Variants in HDAC4 observed in about 807,000 individuals in gnomAD.
HDAC4 encodes histone deacetylase 4, also known as histone deacetylase A.
A neutral mutation model predicts 135.1 loss-of-function variants in HDAC4; 16 were observed. The observed-to-expected ratio is 0.12, with a 90% CI of 0.08 to 0.18. The LOEUF (loss-of-function observed/expected upper bound fraction) is 0.18. HDAC4 is among the 10% of genes least tolerant of loss of function. The probability of loss-of-function intolerance (pLI) is 1.00; values close to 1 mark genes in which losing one functional copy is unlikely to be tolerated. For missense variants in HDAC4, 1,143 were observed against 1,511.8 expected (o/e 0.76, Z 4.05); for synonymous variants, 685 against 653.4 (o/e 1.05, Z -0.74).
rs972317950 is a variant in HDAC4 at position 239,309,691 on chromosome 2, G to A, written c.22+42987C>T. Reference sequence around the variant, plus strand: ...GGGCCTCCACCGCAGGCAGAGCTCCGCCAGCAAGTATCCTGGGAGCTGGGG... The same window carrying A: ...GGGCCTCCACCGCAGGCAGAGCTCCACCAGCAAGTATCCTGGGAGCTGGGG... On this transcript the variant is annotated intron_variant, in intron 2 of 26. Coordinates refer to ENST00000543185, the MANE Select transcript of HDAC4 (RefSeq NM_001378414.1). This position sits in a 1 kb window ranked among gnomAD's most constrained non-coding sequence, Gnocchi z 4.2. 1.3e-5 allele frequency among the ~76,000 whole-genome samples: 2 copies of A among 152,206 alleles called. No homozygotes were observed. Among genetic ancestry groups the A allele is most frequent in the Admixed American group, 1.3e-4 (2 of 15,288 alleles).
intron 13 of HDAC4, among the ~76,000 whole-genome samples, chr2:239,113,122 T>G (rs898486839): frequency 1.3e-5 from 2 of 152,186 alleles, no homozygotes; most frequent in Non-Finnish European, 2.9e-5. Flanking sequence ...TGATGGTGGG[T>G]GCCTGTAATC....
chr2:239,357,375 A>G (rs1693558973), intron 1 of HDAC4, among the ~76,000 whole-genome samples: 1 of 152,146 alleles, frequency 6.6e-6, no homozygotes, highest in African/African-American at 2.4e-5. Flanking sequence ...TGCCTGTATT[A>G]GAAAAGAAGG....
rs1266432358 is a variant in HDAC4, at chr2:239,134,658, C to T, written c.979-15G>A. 16 of 1,590,950 alleles carry T rather than the reference C, an allele frequency of 1.0e-5. No homozygotes were observed. Among genetic ancestry groups the T allele is most frequent in the Non-Finnish European group, 1.4e-5 (16 of 1,158,880 alleles). On this transcript the variant is annotated splice_polypyrimidine_tract_variant and intron_variant, in intron 9 of 26. Coordinates refer to ENST00000543185, the MANE Select transcript of HDAC4 (RefSeq NM_001378414.1). ...GCCAAACTCGTCTGGGGACAGAACA[C>T]ACGATGACCATCACAGTCTGTCACG...
chr2:239,214,880 G>A (rs772895721), intron 3 of HDAC4, among the ~76,000 whole-genome samples: 1 of 152,210 alleles, frequency 6.6e-6, no homozygotes. Context: ...GGGGACTCTT[G>A]GGATCCTGAG....
chr2:239,085,072 A>ACACACACT (rs745393565), intron 19 of HDAC4, among the ~76,000 whole-genome samples: 138 of 142,316 alleles, frequency 9.7e-4, no homozygotes, highest in Admixed American at 3.3e-3. Context: ...ACACACACAC[A>ACACACACT]CTCTCCTGCT....
chr2:239,200,146 C>G (rs187478640), intron 3 of HDAC4, among the ~76,000 whole-genome samples: 1 of 152,158 alleles, frequency 6.6e-6, no homozygotes, highest in Non-Finnish European at 1.5e-5. Flanking sequence ...TTGGGACTTA[C>G]GAACTATCGA....
At chr2:239,369,270 T>A (rs1006830569) in intron 1 of HDAC4, among the ~76,000 whole-genome samples, 1 of 152,136 alleles carries the variant, frequency 6.6e-6, no homozygotes, top group African/African-American at 2.4e-5. Flanking sequence ...GTTCTGAGTT[T>A]TGGGTCCCAA....
chr2:239,254,049 C>T (rs1269189303), intron 2 of HDAC4, among the ~76,000 whole-genome samples: 1 of 152,162 alleles, frequency 6.6e-6, no homozygotes, highest in Non-Finnish European at 1.5e-5. Context: ...ATCTAAGACC[C>T]TAAACCTGGG....
chr2:239,346,652 C>T (rs1017655318), intron 2 of HDAC4, among the ~76,000 whole-genome samples: 1 of 148,610 alleles, frequency 6.7e-6, no homozygotes, highest in Non-Finnish European at 1.5e-5. Flanking sequence ...AAACACACAC[C>T]CATATCTTAA....
chr2:239,116,012 G>C (rs1016369376), intron 12 of HDAC4, among the ~76,000 whole-genome samples: 2 of 152,042 alleles, frequency 1.3e-5, no homozygotes, highest in Non-Finnish European at 2.9e-5. Flanking sequence ...CCCTCCTGTG[G>C]GACTCCCTAG....
intron 4 of HDAC4, among the ~76,000 whole-genome samples, chr2:239,179,773 GC>G (rs1210182690): frequency 6.6e-6 from 1 of 152,252 alleles, no homozygotes; most frequent in African/African-American, 2.4e-5. Context: ...GGGATGGGGG[GC>G]TGGGTCCCTG....
intron 3 of HDAC4, among the ~76,000 whole-genome samples, chr2:239,218,768 A>G (rs1393339678): frequency 5.0e-5 from 7 of 139,962 alleles, no homozygotes; most frequent in Middle Eastern, 7.5e-3. Context: ...AAACAAATTT[A>G]CAAGAAAAAA....
chr2:239,304,004 G>A (rs1014958789), intron 2 of HDAC4, among the ~76,000 whole-genome samples: 1 of 152,192 alleles, frequency 6.6e-6, no homozygotes, highest in African/African-American at 2.4e-5. Context: ...CCCCTGGAGT[G>A]CCCTGTGAGC....
intron 22 of HDAC4, 177 bp downstream of exon 22, chr2:239,080,918 C>A (rs74000638): frequency 3.3e-6 from 2 of 598,300 alleles, no homozygotes; most frequent in Non-Finnish European, 6.0e-6. Context: ...AGAAGATAGT[C>A]GCCAAGATTC....
At chr2:239,389,442 T>C (rs1486332617) in intron 1 of HDAC4, among the ~76,000 whole-genome samples, 3 of 152,014 alleles carry the variant, frequency 2.0e-5, no homozygotes, top group Admixed American at 6.5e-5. Context: ...CCCGGACACA[T>C]CTGAAGGAAC....
chr2:239,388,795 G>C (rs1423030054), intron 1 of HDAC4, among the ~76,000 whole-genome samples: 3 of 152,260 alleles, frequency 2.0e-5, no homozygotes, highest in Non-Finnish European at 4.4e-5. Flanking sequence ...TCAGCGGAGG[G>C]AGTGTGTGGA....
In HDAC4 at chr2:239,303,012, C is replaced by T. The variant is rs988719596; in HGVS notation, c.22+49666G>A. ...TGGGCACTCTGCATGCTGGGCTGGG[C>T]GTCACCCCTGCCACCTCGGGAGTCC... On this transcript the variant is annotated intron_variant, in intron 2 of 26. Transcript: ENST00000543185. The surrounding 1 kb of genome is among the most constrained non-coding windows in gnomAD (Gnocchi z 5.1). Among the ~76,000 whole-genome samples the T allele has an allele frequency of 1.3e-5, 2 of 152,156 alleles. No individual in the cohort carries two copies. The highest frequency in any genetic ancestry group is 2.1e-4 in the South Asian group (1 of 4,836).
Position 239,306,556 on chromosome 2 carries a change from A to G in HDAC4, c.22+46122T>C, listed in dbSNP as rs553414837. ...CACTTGTTTCGTACCTTTCCCGGTCATGATACAAAACATAAGCTGGAAAGG... is the reference window on the plus strand; with the variant it reads ...CACTTGTTTCGTACCTTTCCCGGTCGTGATACAAAACATAAGCTGGAAAGG... On this transcript the variant is annotated intron_variant, in intron 2 of 26. Transcript: ENST00000543185. The surrounding 1 kb of genome is among the most constrained non-coding windows in gnomAD (Gnocchi z 4.5). 2.6e-4 allele frequency among the ~76,000 whole-genome samples: 39 copies of G among 152,284 alleles called. No homozygotes were observed. Among genetic ancestry groups the G allele is most frequent in the Non-Finnish European group, 4.1e-4 (28 of 68,016 alleles).
intron 1 of HDAC4, among the ~76,000 whole-genome samples, chr2:239,389,357 G>A (rs1696042520): frequency 6.6e-6 from 1 of 152,176 alleles, no homozygotes; most frequent in South Asian, 2.1e-4. Context: ...TTTAAGAGTT[G>A]TAACACTTGC....
Sources: gnomAD v4.1 joint callset for allele counts (sites outside exome capture counted in the v4.1 genomes callset) on GRCh38, gnomAD v4.1.1 for gene constraint, Gnocchi (gnomAD v3.1) non-coding constraint, MANE v1.5 for transcripts, NCBI Gene and HGNC (gene_info 2026-07-23, HGNC 2026-07-21) for gene names.